ABHD2: variants seen among roughly 807,000 people sequenced by gnomAD.
The protein encoded by ABHD2 is monoacylglycerol lipase ABHD2.
A neutral mutation model predicts 48.1 loss-of-function variants in ABHD2; 20 were observed. The ratio of observed to expected loss-of-function variants is 0.42; its 90% CI spans 0.29 to 0.60. ABHD2 has a LOEUF of 0.60. Among genes scored for constraint, ABHD2 ranks in the 20% least tolerant of loss-of-function variants. The pLI is 0.24. For missense variants in ABHD2, 405 were observed against 550.9 expected (o/e 0.74, Z 2.65); for synonymous variants, 209 against 214.2 (o/e 0.98, Z 0.21).
the ABHD2 span, among the ~76,000 whole-genome samples, chr15:89,041,696 C>A: frequency 6.6e-6 from 1 of 152,324 alleles, no homozygotes; most frequent in East Asian, 1.9e-4. Context: ...TGAGGCAAGG[C>A]GCAACTCTAT....
chr15:89,064,039 C>G, the ABHD2 span, among the ~76,000 whole-genome samples: 9 of 152,024 alleles, frequency 5.9e-5, no homozygotes, highest in African/African-American at 1.9e-4. Flanking sequence ...CTGACAACCA[C>G]CATTCTGCTT....
Position 89,201,194 on chromosome 15 carries a change from G to T in ABHD2, c.*5771G>T, listed in dbSNP as rs968606169. 4.1e-6 allele frequency: 6 copies of T among 1,475,422 alleles called. No homozygotes were observed. The highest frequency in any genetic ancestry group is 3.8e-6 in the Non-Finnish European group (4 of 1,057,296). The allele number at this position is 1,475,422 out of a possible 1,614,324, so 91.4% of individuals were successfully genotyped here. A position where few individuals can be genotyped will look rare whatever the true frequency, so the allele number is the denominator to read the frequency against. On this transcript the variant is annotated 3_prime_UTR_variant, in exon 11 of 11. Coordinates refer to ENST00000352732, the MANE Select transcript of ABHD2 (RefSeq NM_152924.5). ...AGTTGAGGTTGATCCAGGTTTATCC[G>T]AATATGCTACCTTTCTGAGCCTTAA...
intron 10 of ABHD2, among the ~76,000 whole-genome samples, chr15:89,193,853 G>A (rs1265043907): frequency 2.6e-5 from 4 of 151,340 alleles, no homozygotes; most frequent in Non-Finnish European, 5.9e-5. Context: ...CCCGGGAGGC[G>A]GAGCTTGCAG....
chr15:89,162,696 C>G (rs1193301897), intron 5 of ABHD2, among the ~76,000 whole-genome samples: 1 of 152,168 alleles, frequency 6.6e-6, no homozygotes, highest in Non-Finnish European at 1.5e-5. Context: ...AAAGCTCCCC[C>G]CCAACCCCAG....
chr15:89,142,665 A>G (rs190210196), intron 3 of ABHD2, among the ~76,000 whole-genome samples: 4 of 152,316 alleles, frequency 2.6e-5, no homozygotes, highest in Admixed American at 2.0e-4. Flanking sequence ...GGAGCTCCTC[A>G]GCAAGTGGCC....
chr15:89,159,785 T>A (rs1475246391), intron 5 of ABHD2, among the ~76,000 whole-genome samples: 1 of 152,168 alleles, frequency 6.6e-6, no homozygotes, highest in Non-Finnish European at 1.5e-5. Flanking sequence ...ATGGTGTTGT[T>A]ACATTTTATT....
intron 4 of ABHD2, among the ~76,000 whole-genome samples, chr15:89,152,147 C>T (rs2050602877): frequency 1.3e-5 from 2 of 151,320 alleles, no homozygotes; most frequent in Admixed American, 1.3e-4. Context: ...ACGATCTCGG[C>T]TCACTGCAAG....
chr15:89,084,331 C>A (rs1901321687), upstream of ABHD2, among the ~76,000 whole-genome samples: 1 of 152,000 alleles, frequency 6.6e-6, no homozygotes. The surrounding 1 kb of genome is among the most constrained non-coding windows in gnomAD (Gnocchi z 4.4). Flanking sequence ...ACAGAGTCTC[C>A]CTCTGTTGCC....
At chr15:89,158,941 G>T (rs2050718023) in intron 5 of ABHD2, among the ~76,000 whole-genome samples, 1 of 152,012 alleles carries the variant, frequency 6.6e-6, no homozygotes, top group Non-Finnish European at 1.5e-5. Flanking sequence ...TGGGATTACA[G>T]ATGTGAGCCA....
chr15:89,142,563 A>G lies in ABHD2; in HGVS notation c.195-9114A>G, dbSNP rs531765529. Among the ~76,000 whole-genome samples the G allele has an allele frequency of 4.2e-4, 64 of 152,162 alleles. No individual in the cohort carries two copies. In the South Asian group the frequency reaches 6.6e-3, roughly 16 times the overall value. On this transcript the variant is annotated intron_variant, in intron 3 of 10. Coordinates refer to ENST00000352732, the MANE Select transcript of ABHD2 (RefSeq NM_152924.5). ...GCAGCTAAATTAGAGCACGGTAACTATTTCCTCTCATTCCTTTTTAATCTG... is the reference window on the plus strand; with the variant it reads ...GCAGCTAAATTAGAGCACGGTAACTGTTTCCTCTCATTCCTTTTTAATCTG...
At chr15:89,190,571 A>G (rs1425408784) in intron 8 of ABHD2, among the ~76,000 whole-genome samples, 1 of 152,184 alleles carries the variant, frequency 6.6e-6, no homozygotes, top group Non-Finnish European at 1.5e-5. Flanking sequence ...CTCCATATCT[A>G]TAGTGACATC....
chr15:89,103,538 A>G (rs978756695), intron 1 of ABHD2, among the ~76,000 whole-genome samples: 1 of 152,180 alleles, frequency 6.6e-6, no homozygotes, highest in Non-Finnish European at 1.5e-5. Context: ...TGTGTCATTC[A>G]GTTATATCAC....
intron 3 of ABHD2, among the ~76,000 whole-genome samples, chr15:89,141,031 C>T (rs1278543247): frequency 3.9e-5 from 6 of 151,970 alleles, no homozygotes; most frequent in South Asian, 4.1e-4. Context: ...TGCAGTGGCC[C>T]GATCATAACT....
rs907258099 is a variant in ABHD2, at chr15:89,182,384, C to T, written c.723-3040C>T. Among the ~76,000 whole-genome samples, 4 of 152,320 alleles carry T rather than the reference C, an allele frequency of 2.6e-5. No homozygotes were observed. Among genetic ancestry groups the T allele is most frequent in the South Asian group, 2.1e-4 (1 of 4,826 alleles). On this transcript the variant is annotated intron_variant, in intron 6 of 10. Transcript: ENST00000352732. The surrounding 1 kb of genome is among the most constrained non-coding windows in gnomAD (Gnocchi z 4.8). ...GGGTTCCACACTTCTCTCCTGTGTC[C>T]TCAGCCAGTTTATCCTGGTGGACCA...
At chr15:89,075,831 G>T in the ABHD2 span, among the ~76,000 whole-genome samples, 4 of 152,194 alleles carry the variant, frequency 2.6e-5, no homozygotes, top group African/African-American at 9.7e-5. This position sits in a 1 kb window ranked among gnomAD's most constrained non-coding sequence, Gnocchi z 4.1. Context: ...CATGGGGCAG[G>T]CTGTGAAATG....
chr15:89,115,430 GTT>G (rs1567073519), intron 2 of ABHD2, among the ~76,000 whole-genome samples: 2 of 120,372 alleles, frequency 1.7e-5, no homozygotes, highest in African/African-American at 7.0e-5. Flanking sequence ...GTGTGTGTGT[GTT>G]TTGTATATAA....
At chr15:89,181,628 T>C (rs1322111132) in intron 6 of ABHD2, among the ~76,000 whole-genome samples, 2 of 152,228 alleles carry the variant, frequency 1.3e-5, no homozygotes, top group South Asian at 2.1e-4. Context: ...ACTATTCTTA[T>C]AGTCTCTCAG....
In ABHD2 at chr15:89,134,662, A is replaced by G. The variant is rs368765101; in HGVS notation, c.195-17015A>G. Among the ~76,000 whole-genome samples the G allele has an allele frequency of 2.0e-4, 30 of 152,242 alleles. No homozygotes were observed. In the South Asian group the frequency reaches 5.2e-3, roughly 26 times the overall value. ...TGCTTGTTTAATTCCACATATAAAA[A>G]TCTTATTATTTTTATTGTGTATCTC... On this transcript the variant is annotated intron_variant, in intron 3 of 10. Coordinates refer to ENST00000352732, the MANE Select transcript of ABHD2 (RefSeq NM_152924.5).
At chr15:89,128,618 A>T (rs553917784) in intron 3 of ABHD2, among the ~76,000 whole-genome samples, 2 of 152,312 alleles carry the variant, frequency 1.3e-5, no homozygotes, top group African/African-American at 4.8e-5. Context: ...CCTGCTACCC[A>T]GTCTGCCCTT....
Sources: gnomAD v4.1 joint callset for allele counts (sites outside exome capture counted in the v4.1 genomes callset) on GRCh38, gnomAD v4.1.1 for gene constraint, Gnocchi (gnomAD v3.1) non-coding constraint, MANE v1.5 for transcripts, NCBI Gene and HGNC (gene_info 2026-07-23, HGNC 2026-07-21) for gene names.